Variants in PACRG observed in about 807,000 individuals in gnomAD.
PACRG encodes parkin coregulated gene protein.
In PACRG, 29 loss-of-function variants were observed where a neutral mutation model predicts 29.7. The observed-to-expected ratio is 0.98, with a 90% CI of 0.73 to 1.33. The LOEUF is 1.33. Ranked by LOEUF, PACRG falls within the 40% of genes most tolerant of loss-of-function variation. PACRG has a pLI of 0.00. For synonymous variants in PACRG, 116 were observed against 118.7 expected (o/e 0.98, Z 0.15); for missense variants, 279 against 316.2 (o/e 0.88, Z 0.89).
At chr6:163,092,220 G>GTC (rs1393451161) in intron 4 of PACRG, among the ~76,000 whole-genome samples, 1 of 152,206 alleles carries the variant, frequency 6.6e-6, no homozygotes, top group African/African-American at 2.4e-5. Context: ...TTTTTACAAT[G>GTC]TCTCCTGTTT....
intron 4 of PACRG, among the ~76,000 whole-genome samples, chr6:163,107,087 A>G (rs1050506538): frequency 6.6e-6 from 1 of 152,196 alleles, no homozygotes; most frequent in Non-Finnish European, 1.5e-5. Flanking sequence ...AGAAAGAGAA[A>G]CAGAGAGAGG....
At chr6:162,815,490 G>A (rs1787257622) in intron 2 of PACRG, among the ~76,000 whole-genome samples, 1 of 149,580 alleles carries the variant, frequency 6.7e-6, no homozygotes, top group Non-Finnish European at 1.5e-5. Flanking sequence ...ATTGAACTTA[G>A]AATTATTCCA....
At chr6:163,182,755 A>T (rs1409144583) in intron 4 of PACRG, 1 of 152,242 alleles carries the variant, frequency 6.6e-6, no homozygotes, top group African/African-American at 2.4e-5. Context: ...AATTTTATAG[A>T]CAAGGAAATG....
intron 2 of PACRG, among the ~76,000 whole-genome samples, chr6:162,886,219 G>T (rs1794323001): frequency 6.6e-6 from 1 of 151,996 alleles, no homozygotes. Flanking sequence ...CATTGCCCCC[G>T]GGCTTGCAAG....
At chr6:163,292,614 A>G (rs1008167750) in intron 4 of PACRG, among the ~76,000 whole-genome samples, 1 of 140,326 alleles carries the variant, frequency 7.1e-6, no homozygotes, top group African/African-American at 2.7e-5. Context: ...TAGTAGAGAT[A>G]GGGTTTCACC....
chr6:162,939,768 C>T (rs1459419144), intron 2 of PACRG, among the ~76,000 whole-genome samples: 4 of 151,690 alleles, frequency 2.6e-5, no homozygotes, highest in Non-Finnish European at 5.9e-5. Flanking sequence ...TTGAACACTG[C>T]CTTTGGTGCT....
At chr6:163,265,599 G>A (rs1051882629) in intron 4 of PACRG, among the ~76,000 whole-genome samples, 2 of 152,126 alleles carry the variant, frequency 1.3e-5, no homozygotes, top group Non-Finnish European at 2.9e-5. Flanking sequence ...GTTAGCTGAT[G>A]TTATTATTAT....
At chr6:162,942,996 C>T (rs1378952630) in intron 2 of PACRG, among the ~76,000 whole-genome samples, 1 of 152,184 alleles carries the variant, frequency 6.6e-6, no homozygotes, top group Non-Finnish European at 1.5e-5. Context: ...GCCAGGAGCC[C>T]AGAGAGGCTC....
At chr6:162,848,683 T>A (rs181902472) in intron 2 of PACRG, among the ~76,000 whole-genome samples, 11 of 152,388 alleles carry the variant, frequency 7.2e-5, no homozygotes, top group Admixed American at 6.5e-4. Flanking sequence ...TTACTTAGGA[T>A]TCATGGATGG....
At chr6:163,157,391 A>G (rs1459471106) in intron 4 of PACRG, among the ~76,000 whole-genome samples, 1 of 151,622 alleles carries the variant, frequency 6.6e-6, no homozygotes, top group Non-Finnish European at 1.5e-5. Flanking sequence ...GGAACGGCAC[A>G]CTCCTTCTAG....
chr6:162,733,437 TATCTC>T (rs1447490981), intron 1 of PACRG, among the ~76,000 whole-genome samples: 1 of 152,204 alleles, frequency 6.6e-6, no homozygotes, highest in African/African-American at 2.4e-5. Context: ...CCTTTCTTCT[TATCTC>T]ATATTCTCCT....
chr6:163,068,211 C>T (rs11963392), intron 3 of PACRG, among the ~76,000 whole-genome samples: 3,160 of 152,128 alleles, frequency 0.021, 123 homozygotes, highest in African/African-American at 0.072. Flanking sequence ...TAGTAATTTC[C>T]GGGAAGCATA....
At chr6:162,848,918 G>A (rs1417932215) in intron 2 of PACRG, among the ~76,000 whole-genome samples, 1 of 152,208 alleles carries the variant, frequency 6.6e-6, no homozygotes, top group East Asian at 1.9e-4. Context: ...AATCAGAGCA[G>A]ATCTAGAAAT....
At position 163,079,961 on chromosome 6, in the gene PACRG, G is replaced by A. The variant is rs186073422; in HGVS notation, c.464-9298G>A. 4.3e-3 allele frequency among the ~76,000 whole-genome samples: 614 copies of A among 143,992 alleles called. 1 individual carries two copies. Among genetic ancestry groups the A allele is most frequent in the Non-Finnish European group, 5.6e-3 (372 of 66,818 alleles). The allele number at this position is 143,992 out of a possible 152,430, so 94.5% of individuals were successfully genotyped here. On this transcript the variant is annotated intron_variant, in intron 3 of 4. Coordinates refer to ENST00000366888, the MANE Select transcript of PACRG (RefSeq NM_001080379.2). Reference sequence around the variant, plus strand: ...CGCCCAGGCTGGAGTGCAGTGGCGCGGTCTCGGCTCACTGCAACCTCTGCC... The same window carrying A: ...CGCCCAGGCTGGAGTGCAGTGGCGCAGTCTCGGCTCACTGCAACCTCTGCC...
chr6:162,893,191 A>G (rs1020968827), intron 2 of PACRG, among the ~76,000 whole-genome samples: 1 of 152,154 alleles, frequency 6.6e-6, no homozygotes, highest in Non-Finnish European at 1.5e-5. Flanking sequence ...CCAAACTATT[A>G]CAAGCACCTT....
chr6:163,115,778 C>A (rs192086163), intron 4 of PACRG, among the ~76,000 whole-genome samples: 2 of 152,204 alleles, frequency 1.3e-5, no homozygotes, highest in African/African-American at 4.8e-5. Flanking sequence ...TGGGTCCACA[C>A]TCTGGAGAGA....
At chr6:162,827,119 T>A (rs1337616649) in intron 2 of PACRG, among the ~76,000 whole-genome samples, 3 of 152,166 alleles carry the variant, frequency 2.0e-5, no homozygotes, top group Non-Finnish European at 4.4e-5. Flanking sequence ...TTCATTTACA[T>A]AAATTTTTAT....
intron 2 of PACRG, among the ~76,000 whole-genome samples, chr6:162,848,663 C>G (rs893051142): frequency 6.6e-6 from 1 of 152,198 alleles, no homozygotes; most frequent in Non-Finnish European, 1.5e-5. Flanking sequence ...TATTTCCATT[C>G]TTTGTGATTT....
chr6:163,041,109 G>A (rs888872429), intron 2 of PACRG, among the ~76,000 whole-genome samples: 2 of 152,064 alleles, frequency 1.3e-5, no homozygotes, highest in African/African-American at 4.8e-5. Flanking sequence ...AGGCCAAGGC[G>A]GGCGGATCAC....
Sources: gnomAD v4.1 joint callset for allele counts (sites outside exome capture counted in the v4.1 genomes callset) on GRCh38, gnomAD v4.1.1 for gene constraint, MANE v1.5 for transcripts, NCBI Gene and HGNC (gene_info 2026-07-23, HGNC 2026-07-21) for gene names.